The following CXCL13 variants were observed in gnomAD, a reference collection of about 807,000 sequenced individuals.
The protein encoded by CXCL13 is C-X-C motif chemokine ligand 13, also known as C-X-C motif chemokine 13.
A neutral mutation model predicts 12.2 loss-of-function variants in CXCL13; 7 were observed. That is an observed-to-expected ratio of 0.57 (90% CI 0.33 to 1.07). The LOEUF is 1.07. CXCL13 is among the 50% of genes least tolerant of loss of function. The pLI, the probability that CXCL13 is intolerant of heterozygous loss-of-function variation, is 0.04. For missense variants in CXCL13, 113 were observed against 127.4 expected (o/e 0.89, Z 0.55); for synonymous variants, 47 against 42.4 (o/e 1.11, Z -0.42).
chr4:77,562,727 G>A (rs1180713264), intron 1 of CXCL13, among the ~76,000 whole-genome samples: 1 of 152,058 alleles, frequency 6.6e-6, no homozygotes, highest in Non-Finnish European at 1.5e-5. Flanking sequence ...CTAGCTCAAG[G>A]TTTGTAAATG....
At chr4:77,561,783 GGCA>G (rs1725820805) in intron 1 of CXCL13, among the ~76,000 whole-genome samples, 1 of 152,208 alleles carries the variant, frequency 6.6e-6, no homozygotes, top group Non-Finnish European at 1.5e-5. Context: ...TGCACACTCT[GGCA>G]GCACTTGAAG....
At chr4:77,549,155 C>A (rs1253322110) in intron 1 of CXCL13, among the ~76,000 whole-genome samples, 1 of 152,192 alleles carries the variant, frequency 6.6e-6, no homozygotes, top group Non-Finnish European at 1.5e-5. Flanking sequence ...GCATGTGTCA[C>A]GTAGTTCTCG....
At chr4:77,516,621 G>T (rs1019904212) in intron 1 of CXCL13, among the ~76,000 whole-genome samples, 2 of 152,076 alleles carry the variant, frequency 1.3e-5, no homozygotes, top group Admixed American at 1.3e-4. Context: ...TTCTCTGATG[G>T]TAGTTTGTAT....
At chr4:77,552,789 G>A (rs140468940) in intron 1 of CXCL13, among the ~76,000 whole-genome samples, 19 of 152,380 alleles carry the variant, frequency 1.2e-4, no homozygotes, top group African/African-American at 4.1e-4. Context: ...CCAACAGAGT[G>A]CATGCTGCAG....
At chr4:77,534,014 C>T (rs1163329549) in intron 1 of CXCL13, among the ~76,000 whole-genome samples, 1 of 152,192 alleles carries the variant, frequency 6.6e-6, no homozygotes, top group African/African-American at 2.4e-5. Context: ...TGCTTTGGCT[C>T]ATGCTTGGTG....
intron 1 of CXCL13, among the ~76,000 whole-genome samples, chr4:77,586,738 T>G (rs1726474214): frequency 6.6e-6 from 1 of 152,064 alleles, no homozygotes; most frequent in African/African-American, 2.4e-5. Context: ...GTAAATAGAG[T>G]ACTGAGACAT....
intron 1 of CXCL13, among the ~76,000 whole-genome samples, chr4:77,526,076 C>T (rs530650440): frequency 6.6e-6 from 1 of 151,936 alleles, no homozygotes; most frequent in South Asian, 2.1e-4. Flanking sequence ...TCACTGTGGT[C>T]CACAGAGAAG....
chr4:77,520,848 G>A (rs1724575435), intron 1 of CXCL13, among the ~76,000 whole-genome samples: 1 of 152,168 alleles, frequency 6.6e-6, no homozygotes, highest in African/African-American at 2.4e-5. Flanking sequence ...TATTGGTTGT[G>A]AGTTTGTCAT....
intron 1 of CXCL13, among the ~76,000 whole-genome samples, chr4:77,528,962 G>A (rs896165979): frequency 3.9e-5 from 6 of 152,174 alleles, no homozygotes; most frequent in Non-Finnish European, 7.3e-5. Context: ...TGTATAAGGT[G>A]TAAGGAAGGG....
intron 1 of CXCL13, among the ~76,000 whole-genome samples, chr4:77,532,271 G>C (rs952275075): frequency 6.6e-6 from 1 of 152,140 alleles, no homozygotes; most frequent in African/African-American, 2.4e-5. Context: ...GCATTTGCTT[G>C]TCTGTAAAGT....
chr4:77,521,188 T>A (rs1023038439), intron 1 of CXCL13, among the ~76,000 whole-genome samples: 5 of 152,212 alleles, frequency 3.3e-5, no homozygotes, highest in African/African-American at 1.2e-4. Flanking sequence ...CTTTTTTTGT[T>A]GTGTCTCTGC....
chr4:77,558,501 A>G (rs1725718709), intron 1 of CXCL13, among the ~76,000 whole-genome samples: 1 of 152,162 alleles, frequency 6.6e-6, no homozygotes, highest in South Asian at 2.1e-4. Flanking sequence ...TACAGGTGTA[A>G]GTCACCATAC....
chr4:77,526,768 G>A (rs1443641309), intron 1 of CXCL13, among the ~76,000 whole-genome samples: 1 of 152,146 alleles, frequency 6.6e-6, no homozygotes, highest in Non-Finnish European at 1.5e-5. Flanking sequence ...AGCCATCAAA[G>A]AGGAACACAC....
intron 1 of CXCL13, among the ~76,000 whole-genome samples, chr4:77,568,134 C>A (rs1024619813): frequency 1.3e-5 from 2 of 152,170 alleles, no homozygotes; most frequent in Non-Finnish European, 2.9e-5. Context: ...GGAGACCTCC[C>A]CTTGGACTCC....
intron 1 of CXCL13, among the ~76,000 whole-genome samples, chr4:77,596,603 G>A (rs1251952804): frequency 1.3e-5 from 2 of 151,906 alleles, no homozygotes; most frequent in African/African-American, 2.4e-5. Flanking sequence ...TGGCCAACAT[G>A]GTGAAACCCC....
intron 2 of CXCL13, among the ~76,000 whole-genome samples, chr4:77,608,362 C>T (rs541923397): frequency 6.6e-6 from 1 of 151,974 alleles, no homozygotes; most frequent in African/African-American, 2.4e-5. Flanking sequence ...ACCGCTTGAA[C>T]CTGGGAGGCG....
chr4:77,582,927 G>T lies in CXCL13; in HGVS notation c.-42-22897G>T, dbSNP rs527905590. On this transcript the variant is annotated intron_variant, in intron 1 of 4. Coordinates refer to the CXCL13 transcript ENST00000286758. ...CCAACCAAACTCAGAAAATTTCAAG[G>T]CTTTCCTCCATTCCCTCCAAATTCA... 1.3e-4 allele frequency among the ~76,000 whole-genome samples: 20 copies of T among 152,176 alleles called. No individual in the cohort carries two copies. The South Asian group carries it at 3.7e-3, about 28-fold the overall frequency.
chr4:77,571,715 G>C (rs1041674110), intron 1 of CXCL13, among the ~76,000 whole-genome samples: 1 of 151,772 alleles, frequency 6.6e-6, no homozygotes, highest in African/African-American at 2.4e-5. Context: ...ATAAAAGCAG[G>C]CTGCCGGAGC....
intron 1 of CXCL13, among the ~76,000 whole-genome samples, chr4:77,524,504 A>G (rs1724711422): frequency 6.6e-6 from 1 of 151,900 alleles, no homozygotes; most frequent in Admixed American, 6.6e-5. Context: ...CACTTTCTCC[A>G]TGGGCATGGG....
Sources: allele counts gnomAD v4.1 joint callset (sites outside exome capture counted in the v4.1 genomes callset), GRCh38; gene constraint gnomAD v4.1.1; transcripts MANE v1.5; gene names NCBI Gene and HGNC (gene_info 2026-07-23, HGNC 2026-07-21).